Variants in PDGFD observed in about 807,000 individuals in gnomAD.
PDGFD encodes the protein platelet derived growth factor D.
In PDGFD, 30 loss-of-function variants were observed where a neutral mutation model predicts 44.7. That is an observed-to-expected ratio of 0.67 (90% CI 0.50 to 0.91). The LOEUF (loss-of-function observed/expected upper bound fraction) is 0.91, where lower values mean the gene tolerates loss of function less well. PDGFD is among the 40% of genes least tolerant of loss of function. PDGFD has a pLI of 0.00. For synonymous variants in PDGFD, 173 were observed against 168.4 expected (o/e 1.03, Z -0.21); for missense variants, 445 against 457.8 (o/e 0.97, Z 0.25).
intron 6 of PDGFD, among the ~76,000 whole-genome samples, chr11:103,910,119 C>T (rs922881290): frequency 2.0e-5 from 3 of 152,116 alleles, no homozygotes; most frequent in Non-Finnish European, 4.4e-5. Flanking sequence ...TAAGGGCCTG[C>T]TTTGGGCCAA....
intron 1 of PDGFD, among the ~76,000 whole-genome samples, chr11:104,101,627 T>C (rs1861383157): frequency 6.6e-6 from 1 of 152,138 alleles, no homozygotes; most frequent in Non-Finnish European, 1.5e-5. Flanking sequence ...AAGTCAATCC[T>C]AAGCCAAAAG....
At chr11:104,112,841 T>G (rs1214714712) in intron 1 of PDGFD, among the ~76,000 whole-genome samples, 1 of 151,858 alleles carries the variant, frequency 6.6e-6, no homozygotes, top group Non-Finnish European at 1.5e-5. Context: ...TGGACACACA[T>G]GCAGAAAAAC....
intron 1 of PDGFD, among the ~76,000 whole-genome samples, chr11:104,010,962 T>G (rs1221905135): frequency 6.6e-6 from 1 of 151,978 alleles, no homozygotes; most frequent in Admixed American, 6.6e-5. Context: ...ACTGCCAACA[T>G]AGCTCAGAAA....
At chr11:104,137,173 T>G (rs1862019287) in intron 1 of PDGFD, among the ~76,000 whole-genome samples, 1 of 152,206 alleles carries the variant, frequency 6.6e-6, no homozygotes, top group Admixed American at 6.5e-5. Context: ...TAAGTCCATT[T>G]TTAAATCTTT....
chr11:104,008,814 T>A (rs907998661), intron 1 of PDGFD, among the ~76,000 whole-genome samples: 3 of 152,146 alleles, frequency 2.0e-5, no homozygotes, highest in Admixed American at 2.0e-4. Context: ...AGTCTGGGCA[T>A]ATGAGGCACT....
At chr11:104,095,996 GAATT>G (rs1269856379) in intron 1 of PDGFD, among the ~76,000 whole-genome samples, 1 of 152,142 alleles carries the variant, frequency 6.6e-6, no homozygotes, top group African/African-American at 2.4e-5. Context: ...TGGCAAGAAA[GAATT>G]AATACAATCT....
At chr11:104,076,520 T>G (rs775298008) in intron 1 of PDGFD, among the ~76,000 whole-genome samples, 1 of 152,196 alleles carries the variant, frequency 6.6e-6, no homozygotes, top group Non-Finnish European at 1.5e-5. Flanking sequence ...CTAATTTATC[T>G]TTTAAAAACA....
intron 1 of PDGFD, among the ~76,000 whole-genome samples, chr11:104,087,726 C>T (rs1186717758): frequency 6.6e-6 from 1 of 152,152 alleles, no homozygotes; most frequent in Non-Finnish European, 1.5e-5. Context: ...GCAATATTTT[C>T]CCTCAAACAT....
chr11:104,156,047 T>C (rs1017525512), intron 1 of PDGFD, among the ~76,000 whole-genome samples: 2 of 152,180 alleles, frequency 1.3e-5, no homozygotes, highest in Non-Finnish European at 2.9e-5. Flanking sequence ...ACAGTAGATT[T>C]TAAGAGTTAT....
At chr11:103,999,942 T>C (rs1368202454) in intron 2 of PDGFD, 109 bp downstream of exon 2, 19 of 922,064 alleles carry the variant, frequency 2.1e-5, no homozygotes, top group Non-Finnish European at 3.2e-5. Flanking sequence ...GCGACACATG[T>C]TGGGTCCATT....
At chr11:103,969,482 T>TG (rs1190677785) in intron 3 of PDGFD, among the ~76,000 whole-genome samples, 8 of 147,824 alleles carry the variant, frequency 5.4e-5, no homozygotes, top group African/African-American at 1.7e-4. Flanking sequence ...TGGTTTTTTT[T>TG]TTTTTTTTTT....
intron 3 of PDGFD, among the ~76,000 whole-genome samples, chr11:103,994,823 A>G (rs189393326): frequency 6.6e-6 from 1 of 152,162 alleles, no homozygotes; most frequent in East Asian, 1.9e-4. Flanking sequence ...CTGTGGGCCT[A>G]ACGTACAGCA....
chr11:104,019,399 A>G (rs1339885064), intron 1 of PDGFD, among the ~76,000 whole-genome samples: 2 of 152,220 alleles, frequency 1.3e-5, no homozygotes. Context: ...TGTCTGAGAA[A>G]TAAATTATTC....
chr11:104,140,915 G>A (rs1289219417), intron 1 of PDGFD, among the ~76,000 whole-genome samples: 3 of 152,172 alleles, frequency 2.0e-5, no homozygotes, highest in Admixed American at 6.5e-5. Flanking sequence ...GTAAGCTTTT[G>A]TGAGGTCTTA....
In PDGFD at chr11:104,088,181, C is replaced by G. The variant is rs528568748; in HGVS notation, c.124+75623G>C. Among the ~76,000 whole-genome samples, 3 of 152,320 alleles carry G rather than the reference C, an allele frequency of 2.0e-5. No individual in the cohort carries two copies. The East Asian group carries it at 5.8e-4, about 29-fold the overall frequency. ...TATGTCTGGTTTCTCTCTGTGCCAC[C>G]TGCACTAGCACAAGCCCTTGTGTAT... is the stretch of plus-strand genomic sequence containing the variant. On this transcript the variant is annotated intron_variant, in intron 1 of 6. Coordinates refer to ENST00000393158, the MANE Select transcript of PDGFD (RefSeq NM_025208.5).
At chr11:103,990,325 C>T (rs1426832847) in intron 3 of PDGFD, among the ~76,000 whole-genome samples, 3 of 152,162 alleles carry the variant, frequency 2.0e-5, no homozygotes, top group Non-Finnish European at 2.9e-5. Context: ...CATAGCTTTG[C>T]GTCATTGCTT....
intron 1 of PDGFD, among the ~76,000 whole-genome samples, chr11:104,055,312 T>C (rs1282044137): frequency 5.3e-5 from 8 of 152,254 alleles, no homozygotes; most frequent in Non-Finnish European, 1.0e-4. Flanking sequence ...GTGTTTTTCA[T>C]TGTTGTATGT....
At chr11:103,975,618 T>G (rs1187672971) in intron 3 of PDGFD, among the ~76,000 whole-genome samples, 2 of 152,124 alleles carry the variant, frequency 1.3e-5, no homozygotes, top group South Asian at 2.1e-4. Flanking sequence ...GTTTTAGGTT[T>G]TAGGTTTTAG....
chr11:103,938,801 T>C (rs1344829321), intron 5 of PDGFD, among the ~76,000 whole-genome samples: 1 of 152,228 alleles, frequency 6.6e-6, no homozygotes, highest in East Asian at 1.9e-4. Context: ...GCACCATTTA[T>C]TAAATAGGGA....
Sources: allele counts gnomAD v4.1 joint callset (sites outside exome capture counted in the v4.1 genomes callset), GRCh38; gene constraint gnomAD v4.1.1; transcripts MANE v1.5; gene names NCBI Gene and HGNC (gene_info 2026-07-23, HGNC 2026-07-21).